CLMN: variants seen among roughly 807,000 people sequenced by gnomAD.
CLMN encodes the protein calmin.
In CLMN, 57 loss-of-function variants were observed where a neutral mutation model predicts 92.7. The ratio of observed to expected loss-of-function variants is 0.61; its 90% CI spans 0.50 to 0.77. The LOEUF (loss-of-function observed/expected upper bound fraction) is 0.77, where lower values mean the gene tolerates loss of function less well. Among genes scored for constraint, CLMN ranks in the 30% least tolerant of loss-of-function variants. CLMN has a pLI of 0.00. For missense variants in CLMN, 1,158 were observed against 1,237.5 expected (o/e 0.94, Z 0.96); for synonymous variants, 466 against 470.6 (o/e 0.99, Z 0.13).
At chr14:95,242,444 G>A (rs574866149) in intron 1 of CLMN, among the ~76,000 whole-genome samples, 24 of 151,964 alleles carry the variant, frequency 1.6e-4, no homozygotes, top group African/African-American at 5.3e-4. Flanking sequence ...ATTTCTAGTA[G>A]AGATGGGGTT....
chr14:95,318,603 AG>A (rs368820668), intron 1 of CLMN, among the ~76,000 whole-genome samples: 18 of 151,956 alleles, frequency 1.2e-4, no homozygotes, highest in African/African-American at 4.3e-4. Flanking sequence ...TGGCTGGGGG[AG>A]GGCACCCACA....
At chr14:95,280,373 AT>A (rs1189689696) in intron 1 of CLMN, among the ~76,000 whole-genome samples, 1 of 152,254 alleles carries the variant, frequency 6.6e-6, no homozygotes, top group Non-Finnish European at 1.5e-5. Context: ...CAAGATTTTC[AT>A]GTAACATTAA....
intron 2 of CLMN, 98 bp downstream of exon 2, chr14:95,229,974 A>C: frequency 8.7e-7 from 1 of 1,155,570 alleles, no homozygotes; most frequent in Non-Finnish European, 1.3e-6. Flanking sequence ...TGAACAACAG[A>C]AAGAGCACAG....
chr14:95,262,413 T>A (rs541284076), intron 1 of CLMN, among the ~76,000 whole-genome samples: 1 of 152,226 alleles, frequency 6.6e-6, no homozygotes, highest in Non-Finnish European at 1.5e-5. Context: ...CCAAAAGATA[T>A]CCACGTGACA....
Position 95,203,592 on chromosome 14 carries a change from G to A in CLMN, c.1757C>T (p.Pro586Leu), listed in dbSNP as rs1475082466. The change falls in exon 9 of 13, where the codon CCT (proline) becomes CTT (leucine). Residue 586 changes from proline to leucine, a missense_variant. Transcript: ENST00000298912. ...ATCCTCGTCAGGTTTTGTCTCATGAGGTGAAGGAACTTTGTTGAAAGCCTG... is the reference window on the plus strand; with the variant it reads ...ATCCTCGTCAGGTTTTGTCTCATGAAGTGAAGGAACTTTGTTGAAAGCCTG... ...TSQAFNKVPS[P>L]HETKPDEDAE... 3 of 1,614,036 alleles carry A rather than the reference G, an allele frequency of 1.9e-6. No individual in the cohort carries two copies. Among genetic ancestry groups the A allele is most frequent in the Non-Finnish European group, 2.5e-6 (3 of 1,180,038 alleles).
At position 95,217,054 on chromosome 14, in the gene CLMN, G is replaced by A. The variant is rs1378250670; in HGVS notation, c.325-1321C>T. Reference sequence around the variant, plus strand: ...CTGCAGACCTCTCTGAAAAGGGCCAGAGAGTAAATATTTAAGGCTTTGCAG... The same window carrying A: ...CTGCAGACCTCTCTGAAAAGGGCCAAAGAGTAAATATTTAAGGCTTTGCAG... On this transcript the variant is annotated intron_variant, in intron 4 of 12. Coordinates refer to ENST00000298912, the MANE Select transcript of CLMN (RefSeq NM_024734.4). 3.9e-5 allele frequency among the ~76,000 whole-genome samples: 6 copies of A among 152,212 alleles called. No individual in the cohort carries two copies. The East Asian group carries it at 1.2e-3, about 29-fold the overall frequency.
intron 1 of CLMN, among the ~76,000 whole-genome samples, chr14:95,285,740 G>T (rs984517104): frequency 6.6e-6 from 1 of 152,188 alleles, no homozygotes; most frequent in African/African-American, 2.4e-5. Flanking sequence ...TATGCTCCAG[G>T]ATGAGGTGGA....
At chr14:95,288,166 C>G (rs999131168) in intron 1 of CLMN, among the ~76,000 whole-genome samples, 2 of 152,176 alleles carry the variant, frequency 1.3e-5, no homozygotes, top group South Asian at 2.1e-4. Context: ...TGGTATCCCC[C>G]ACAGAAGACC....
chr14:95,207,043 C>T (rs1897064575), intron 8 of CLMN, among the ~76,000 whole-genome samples: 1 of 151,798 alleles, frequency 6.6e-6, no homozygotes, highest in South Asian at 2.1e-4. Flanking sequence ...GGACTAAAAT[C>T]AAGATATTGG....
At chr14:95,315,914 C>T (rs1440585947) in intron 1 of CLMN, among the ~76,000 whole-genome samples, 1 of 152,214 alleles carries the variant, frequency 6.6e-6, no homozygotes. Flanking sequence ...ATGTGCTAAA[C>T]TGCTCAGAGA....
intron 5 of CLMN, 69 bp from the exon 6 acceptor site, chr14:95,213,478 G>T: frequency 6.8e-7 from 1 of 1,475,030 alleles, no homozygotes; most frequent in Non-Finnish European, 9.1e-7. Flanking sequence ...TTGTCTGGCG[G>T]GTGGCCATAT....
intron 1 of CLMN, among the ~76,000 whole-genome samples, chr14:95,238,968 A>G (rs6575503): frequency 0.14 from 20,721 of 152,180 alleles, 2,467 homozygotes; most frequent in African/African-American, 0.31. Flanking sequence ...GCTGGTGCCT[A>G]TAACTAAAAT....
intron 1 of CLMN, 45 bp downstream of exon 1, chr14:95,319,666 C>T: frequency 1.3e-6 from 2 of 1,498,860 alleles, no homozygotes; most frequent in Non-Finnish European, 1.8e-6. Context: ...CGCCCCGGGC[C>T]CCCCGAGCGC....
chr14:95,193,969 T>G (rs374181295), intron 11 of CLMN, 50 bp from the exon 12 acceptor site: 1 of 1,599,138 alleles, frequency 6.3e-7, no homozygotes. Flanking sequence ...TTAGTAAAGA[T>G]GAAATCTCTG....
intron 12 of CLMN, among the ~76,000 whole-genome samples, chr14:95,193,585 G>C (rs1896614658): frequency 6.6e-6 from 1 of 152,100 alleles, no homozygotes; most frequent in African/African-American, 2.4e-5. Flanking sequence ...ACAGCTGCAG[G>C]CTCAGAACCC....
At position 95,223,761 on chromosome 14, in the gene CLMN, A is replaced by G; in HGVS notation, c.239T>C (p.Leu80Pro). The change falls in exon 3 of 13, where the codon CTG (leucine) becomes CCG (proline). Residue 80 changes from leucine (L) to proline (P), a missense_variant and splice_region_variant. Physicochemically the swap from Leu to Pro is moderately conservative, Grantham distance 98. Transcript: ENST00000298912. ...CTGACCCTTCTGTAACATACGTACC[A>G]GATTCCGCCCAGACAGGACTTCTAA... The part of the protein sequence containing the change: ...ALLEVLSGRN[L>P]LHEYKSSSHR... The G allele has an allele frequency of 1.2e-6, 2 of 1,611,130 alleles. No homozygotes were observed. The highest frequency in any genetic ancestry group is 1.7e-6 in the Non-Finnish European group (2 of 1,178,314).
In CLMN at chr14:95,228,486, G is replaced by GTCA. The variant is rs1271472158; in HGVS notation, c.144+1585_144+1586insTGA. Among the ~76,000 whole-genome samples the GTCA allele has an allele frequency of 5.9e-5, 9 of 152,348 alleles. No individual in the cohort carries two copies. The East Asian group carries it at 1.7e-3, about 29-fold the overall frequency. On this transcript the variant is annotated intron_variant, in intron 2 of 12. Transcript: ENST00000298912. ...TTCTACACGTCAGGAGTGGAGGTGT[G>GTCA]GGTGGCCGAATGCCTGCTCGGGCAA...
intron 12 of CLMN, chr14:95,192,120 CAGAG>C (rs1896577392): frequency 5.9e-6 from 1 of 168,318 alleles, no homozygotes; most frequent in African/African-American, 2.4e-5. Flanking sequence ...ACAGTGCTCT[CAGAG>C]AGTGACACGG....
At chr14:95,224,702 C>T (rs939769237) in intron 2 of CLMN, among the ~76,000 whole-genome samples, 2 of 151,092 alleles carry the variant, frequency 1.3e-5, no homozygotes, top group Admixed American at 6.6e-5. Flanking sequence ...AAGGGCTGAA[C>T]GCAAGTGTAC....
Sources: gnomAD v4.1 joint callset for allele counts (sites outside exome capture counted in the v4.1 genomes callset) on GRCh38, gnomAD v4.1.1 for gene constraint, MANE v1.5 for transcripts, NCBI Gene and HGNC (gene_info 2026-07-23, HGNC 2026-07-21) for gene names.